Variants in ZNF451 observed in about 807,000 individuals in gnomAD.
The protein encoded by ZNF451 is E3 SUMO-protein ligase ZNF451.
In ZNF451, 80 loss-of-function variants were observed where a neutral mutation model predicts 107.1. That is an observed-to-expected ratio of 0.75 (90% confidence interval 0.62 to 0.90). The LOEUF (loss-of-function observed/expected upper bound fraction) is 0.90, where lower values mean the gene tolerates loss of function less well. ZNF451 is among the 40% of genes least tolerant of loss of function. ZNF451 has a pLI of 0.00. For synonymous variants in ZNF451, 362 were observed against 406.5 expected, an observed-to-expected ratio of 0.89 and a Z score of 1.32; for missense variants, 1,107 against 1,236.2, an observed-to-expected ratio of 0.90 and a Z score of 1.57.
chr6:57,101,166 A>G (rs1391428166), intron 3 of ZNF451: 2 of 1,550,838 alleles, frequency 1.3e-6, no homozygotes, highest in South Asian at 2.4e-5. Context: ...AAGGGCAGCC[A>G]TCTGACCCCA....
chr6:57,106,859 T>C (rs1829886768), intron 3 of ZNF451: 1 of 974,342 alleles, frequency 1.0e-6, no homozygotes, highest in African/African-American at 1.8e-5. Context: ...GTGGAAGTTA[T>C]CAGTAAACTG....
intron 6 of ZNF451, 103 bp downstream of exon 6, chr6:57,133,295 G>C (rs1831271508): frequency 8.7e-7 from 1 of 1,151,796 alleles, no homozygotes; most frequent in African/African-American, 1.6e-5. Context: ...TGATTATATA[G>C]CTTTATATTC....
In ZNF451 at chr6:57,168,783, A is replaced by G. The variant is rs1764014300; in HGVS notation, c.*314A>G. 8.2e-6 allele frequency: 2 copies of G among 243,208 alleles called. No individual in the cohort carries two copies. Among genetic ancestry groups the G allele is most frequent in the African/African-American group, 4.6e-5 (2 of 43,560 alleles). 15.1% of individuals were successfully genotyped at this position (243,208 alleles called of 1,614,324 possible). The stretch of plus-strand genomic sequence containing the variant: ...ATTAAAAAAAAGGAAAGCTCTTGAC[A>G]GTTGTTTCCCAAATAGCATTAGTTC... On this transcript the variant is annotated 3_prime_UTR_variant, in exon 15 of 15. Coordinates refer to ENST00000370706, the MANE Select transcript of ZNF451 (RefSeq NM_001031623.3).
At chr6:57,131,622 C>G (rs1250048689) in intron 5 of ZNF451, among the ~76,000 whole-genome samples, 1 of 152,054 alleles carries the variant, frequency 6.6e-6, no homozygotes, top group Non-Finnish European at 1.5e-5. Flanking sequence ...TAGAGGTATT[C>G]CCCCAATAAA....
chr6:57,104,196 A>C, intron 3 of ZNF451: 1 of 985,264 alleles, frequency 1.0e-6, no homozygotes, highest in East Asian at 1.1e-4. Context: ...AAGAATATCG[A>C]TTACCTGAAC....
At chr6:57,144,714 A>T (rs1831973613) in intron 9 of ZNF451, among the ~76,000 whole-genome samples, 1 of 152,126 alleles carries the variant, frequency 6.6e-6, no homozygotes, top group Admixed American at 6.5e-5. Flanking sequence ...GGATTGCCTG[A>T]GCTCAGGAGT....
At chr6:57,144,031 G>A (rs1831925524) in intron 9 of ZNF451, among the ~76,000 whole-genome samples, 1 of 152,054 alleles carries the variant, frequency 6.6e-6, no homozygotes, top group African/African-American at 2.4e-5. Flanking sequence ...GTTGCTTAGG[G>A]TTCAGTGGTT....
At chr6:57,102,054 A>G (rs1157678550) in intron 3 of ZNF451, 2 of 1,534,584 alleles carry the variant, frequency 1.3e-6, no homozygotes, top group Non-Finnish European at 1.7e-6. Context: ...ATAGATATAG[A>G]AAGAAGGGAG....
chr6:57,127,419 T>C (rs981394989), intron 4 of ZNF451, among the ~76,000 whole-genome samples: 1 of 152,210 alleles, frequency 6.6e-6, no homozygotes, highest in Non-Finnish European at 1.5e-5. Flanking sequence ...TGAACAATGT[T>C]ATGTAGATTT....
At chr6:57,150,605 AAC>A (rs1190239609) in intron 10 of ZNF451, 112 bp from the exon 11 acceptor site, 1 of 1,018,308 alleles carries the variant, frequency 9.8e-7, no homozygotes, top group Non-Finnish European at 1.4e-6. Context: ...AGAAATGAGT[AAC>A]ATTCAAGGTT....
intron 3 of ZNF451, chr6:57,109,591 TG>T: frequency 1.0e-6 from 1 of 985,400 alleles, no homozygotes; most frequent in Non-Finnish European, 1.2e-6. Context: ...CATTTTAAAA[TG>T]TTATTTAACA....
chr6:57,157,576 C>T (rs1024095575), intron 13 of ZNF451, among the ~76,000 whole-genome samples: 6 of 152,198 alleles, frequency 3.9e-5, no homozygotes, highest in Admixed American at 6.5e-5. Context: ...ATTTTAATTA[C>T]GCTATGATAT....
intron 2 of ZNF451, among the ~76,000 whole-genome samples, chr6:57,097,011 C>T (rs1322922613): frequency 6.6e-6 from 1 of 151,750 alleles, no homozygotes; most frequent in African/African-American, 2.4e-5. Context: ...CTCAAGTCAT[C>T]TACCCACCTC....
In ZNF451 at chr6:57,148,211, A is replaced by G. The variant is rs780361075; in HGVS notation, c.2126A>G (p.Asp709Gly). 1 of 1,614,052 alleles carries G rather than the reference A, an allele frequency of 6.2e-7. No homozygotes were observed. Among genetic ancestry groups the G allele is most frequent in the South Asian group, 1.1e-5 (1 of 91,070 alleles). ...ACTGAAACTTCAATTAAAACCGAAGATGATTTTCCAGTAATAGAGACCAGT... is the reference window on the plus strand; with the variant it reads ...ACTGAAACTTCAATTAAAACCGAAGGTGATTTTCCAGTAATAGAGACCAGT... ...EKTETSIKTE[D>G]DFPVIETSNQ... is the part of the protein sequence containing the mutation. Residue 709 changes from aspartate to glycine, a missense_variant, in exon 10 of 15, where the codon GAT becomes GGT. Physicochemically the swap from Asp to Gly is moderately conservative, Grantham distance 94 (BLOSUM62 -1). Transcript: ENST00000370706.
At chr6:57,164,081 T>C (rs1763798058) in intron 14 of ZNF451, among the ~76,000 whole-genome samples, 1 of 152,222 alleles carries the variant, frequency 6.6e-6, no homozygotes, top group African/African-American at 2.4e-5. Flanking sequence ...TGATTTGTGT[T>C]ATTCTTTGTT....
At position 57,102,025 on chromosome 6, in the gene ZNF451, A is replaced by C. The variant is rs1414891583; in HGVS notation, c.186+2884A>C. 2.6e-6 allele frequency: 4 copies of C among 1,549,240 alleles called. No homozygotes were observed. In the Admixed American group the frequency reaches 7.9e-5, roughly 31 times the overall value. On this transcript the variant is annotated intron_variant, in intron 3 of 14. Coordinates refer to ENST00000370706, the MANE Select transcript of ZNF451 (RefSeq NM_001031623.3). ...AGGATACTCCAAAGGGGATTGGTAC[A>C]AACCTCGAAACCACCCCTATAGATA... is the stretch of plus-strand genomic sequence containing the variant.
At chr6:57,161,294 T>A in intron 14 of ZNF451, 142 bp downstream of exon 14, 1 of 495,046 alleles carries the variant, frequency 2.0e-6, no homozygotes, top group Non-Finnish European at 3.6e-6. Context: ...TAGCTTTGCA[T>A]TTTTCATGTA....
At chr6:57,104,408 T>C in intron 3 of ZNF451, 1 of 985,380 alleles carries the variant, frequency 1.0e-6, no homozygotes, top group Non-Finnish European at 1.2e-6. Context: ...ACTTCAGACT[T>C]TTCACTTTCC....
chr6:57,136,677 G>C (rs1831445016), intron 7 of ZNF451, among the ~76,000 whole-genome samples: 1 of 152,088 alleles, frequency 6.6e-6, no homozygotes, highest in Non-Finnish European at 1.5e-5. Context: ...GTTCTTTCAG[G>C]ACATGTTTCC....
Sources: allele counts gnomAD v4.1 joint callset (sites outside exome capture counted in the v4.1 genomes callset), GRCh38; gene constraint gnomAD v4.1.1; transcripts MANE v1.5; gene names NCBI Gene and HGNC (gene_info 2026-07-23, HGNC 2026-07-21).